Variants in STK10 observed in about 807,000 individuals in gnomAD.
STK10 encodes the protein serine/threonine kinase 10.
STK10 carries 78 observed loss-of-function variants against 113.8 expected under a neutral mutation model. The observed-to-expected ratio is 0.69, with a 90% confidence interval of 0.57 to 0.83. The LOEUF (loss-of-function observed/expected upper bound fraction) is 0.83. Among genes scored for constraint, STK10 ranks in the 40% least tolerant of loss-of-function variants. The probability of loss-of-function intolerance (pLI) is 0.00; values close to 1 mark genes in which losing one functional copy is unlikely to be tolerated. For synonymous variants in STK10, 465 were observed against 494.7 expected (o/e 0.94, Z 0.80); for missense variants, 1,109 against 1,280.1 (o/e 0.87, Z 2.04).
chr5:172,078,451 C>T (rs1561797855), intron 12 of STK10, among the ~76,000 whole-genome samples: 1 of 151,836 alleles, frequency 6.6e-6, no homozygotes, highest in Non-Finnish European at 1.5e-5. Context: ...GCCAGGAATT[C>T]AAGACCAGCC....
At chr5:172,134,539 C>G (rs559995306) in intron 2 of STK10, among the ~76,000 whole-genome samples, 21 of 152,072 alleles carry the variant, frequency 1.4e-4, no homozygotes, top group African/African-American at 5.1e-4. Context: ...ACACCAAAAG[C>G]ACAAGCAACC....
intron 3 of STK10, among the ~76,000 whole-genome samples, chr5:172,119,332 C>G (rs1401833425): frequency 6.6e-6 from 1 of 152,164 alleles, no homozygotes; most frequent in Non-Finnish European, 1.5e-5. Context: ...TCGGGCCATG[C>G]TGTGGAGGCT....
chr5:172,094,998 G>A (rs1323724417), intron 8 of STK10, among the ~76,000 whole-genome samples: 6 of 152,174 alleles, frequency 3.9e-5, no homozygotes, highest in Admixed American at 3.3e-4. Context: ...TCCAGGTCAG[G>A]AGGGGACATT....
intron 7 of STK10, among the ~76,000 whole-genome samples, chr5:172,104,264 A>G (rs922557926): frequency 6.6e-6 from 1 of 152,150 alleles, no homozygotes; most frequent in Non-Finnish European, 1.5e-5. Context: ...CTCTTCCATC[A>G]GTGGCAGTGA....
chr5:172,111,899 G>A (rs983742575), intron 4 of STK10, among the ~76,000 whole-genome samples: 1 of 152,280 alleles, frequency 6.6e-6, no homozygotes, highest in Non-Finnish European at 1.5e-5. Context: ...ATAAAACTGG[G>A]TTTTAAAAAC....
intron 12 of STK10, among the ~76,000 whole-genome samples, chr5:172,072,826 C>T (rs1459345133): frequency 6.6e-6 from 1 of 152,024 alleles, no homozygotes; most frequent in East Asian, 1.9e-4. Flanking sequence ...GCAATAAGAC[C>T]GTTTCTATTT....
intron 4 of STK10, 121 bp downstream of exon 4, chr5:172,117,360 G>T: frequency 2.7e-6 from 3 of 1,093,012 alleles, no homozygotes; most frequent in Non-Finnish European, 3.9e-6. Context: ...TGCCAAGAGG[G>T]CGTAGGCGTG....
At chr5:172,184,586 G>A (rs1350809887) in intron 1 of STK10, among the ~76,000 whole-genome samples, 1 of 152,148 alleles carries the variant, frequency 6.6e-6, no homozygotes, top group Non-Finnish European at 1.5e-5. Flanking sequence ...GGTGGATTCG[G>A]AGGTAGGCGG....
At chr5:172,091,726 G>A (rs1468115282) in intron 9 of STK10, among the ~76,000 whole-genome samples, 3 of 152,102 alleles carry the variant, frequency 2.0e-5, no homozygotes, top group African/African-American at 4.8e-5. Flanking sequence ...TAGAGACAGG[G>A]TTTCACCATG....
chr5:172,163,265 G>C (rs773236429), intron 1 of STK10, among the ~76,000 whole-genome samples: 15 of 152,182 alleles, frequency 9.9e-5, no homozygotes, highest in Non-Finnish European at 1.8e-4. Context: ...AAGATTCAGA[G>C]AGGTGGGGTG....
chr5:172,156,519 C>G, intron 2 of STK10, 105 bp downstream of exon 2: 1 of 1,430,948 alleles, frequency 7.0e-7, no homozygotes, highest in Non-Finnish European at 9.3e-7. Flanking sequence ...TAGCCCTCGT[C>G]CTCAAAGCAG....
At chr5:172,173,690 C>T (rs564711595) in intron 1 of STK10, among the ~76,000 whole-genome samples, 91 of 152,286 alleles carry the variant, frequency 6.0e-4, no homozygotes, top group Non-Finnish European at 1.0e-3. Flanking sequence ...TACATCCCTC[C>T]ACCCAGAAGC....
At chr5:172,155,734 C>A (rs1025258191) in intron 2 of STK10, among the ~76,000 whole-genome samples, 3 of 151,964 alleles carry the variant, frequency 2.0e-5, no homozygotes, top group African/African-American at 7.2e-5. Flanking sequence ...GTGGCTAACA[C>A]CAGTAATCCC....
chr5:172,166,566 C>A (rs1295883827), intron 1 of STK10, among the ~76,000 whole-genome samples: 1 of 152,184 alleles, frequency 6.6e-6, no homozygotes, highest in Non-Finnish European at 1.5e-5. Flanking sequence ...ATTTGGAGAC[C>A]TACATGGAAA....
chr5:172,047,701 C>A (rs562276001), intron 18 of STK10, among the ~76,000 whole-genome samples: 1 of 152,040 alleles, frequency 6.6e-6, no homozygotes, highest in African/African-American at 2.4e-5. Flanking sequence ...AACTGATGTA[C>A]GATGGCAGAA....
chr5:172,091,470 T>C (rs1349889673), intron 9 of STK10, among the ~76,000 whole-genome samples: 3 of 151,834 alleles, frequency 2.0e-5, no homozygotes, highest in Non-Finnish European at 4.4e-5. Context: ...ATTCTGAAGG[T>C]GTCCCCATAA....
chr5:172,044,388 G>T lies in STK10; in HGVS notation c.*494C>A, dbSNP rs974484756. On this transcript the variant is annotated 3_prime_UTR_variant, in exon 19 of 19. Transcript: ENST00000176763. The surrounding 1 kb of genome is among the most constrained non-coding windows in gnomAD (Gnocchi z 4.5). ...CTCCTGAGCAGCCAGCTGCAGGCCT[G>T]GCTCCTCTGGGAACAGAAATGGCTG... 1 of 157,840 alleles carries T rather than the reference G, an allele frequency of 6.3e-6. No homozygotes were observed. The highest frequency in any genetic ancestry group is 2.4e-5 in the African/African-American group (1 of 41,532). The allele number at this position is 157,840 out of a possible 1,614,324, so 9.8% of individuals were successfully genotyped here.
intron 15 of STK10, chr5:172,057,017 G>GAA (rs1319119210): frequency 6.7e-6 from 1 of 149,360 alleles, no homozygotes; most frequent in East Asian, 1.8e-4. Flanking sequence ...AAGAAAGAAA[G>GAA]AAAGAAAGAA....
chr5:172,070,248 C>CAAA lies in STK10; in HGVS notation c.1990-5439_1990-5437dup, dbSNP rs200484975. ...GGGCGACAAGAGCAAAATTCCACCT[C>CAAA]AAAAAAATATATATCTATATATCTA... On this transcript the variant is annotated intron_variant, in intron 12 of 18. Coordinates refer to ENST00000176763, the MANE Select transcript of STK10 (RefSeq NM_005990.4). Among the ~76,000 whole-genome samples, 405 of 144,160 alleles carry CAAA rather than the reference C, an allele frequency of 2.8e-3. 1 individual carries two copies. The highest frequency in any genetic ancestry group is 9.5e-3 in the African/African-American group (366 of 38,360). 94.6% of individuals were successfully genotyped at this position (144,160 alleles called of 152,430 possible).
Sources: gnomAD v4.1 joint callset for allele counts (sites outside exome capture counted in the v4.1 genomes callset) on GRCh38, gnomAD v4.1.1 for gene constraint, Gnocchi (gnomAD v3.1) non-coding constraint, MANE v1.5 for transcripts, NCBI Gene and HGNC (gene_info 2026-07-23, HGNC 2026-07-21) for gene names.